The following HHIP variants were observed in gnomAD, a reference collection of about 807,000 sequenced individuals.
HHIP encodes hedgehog-interacting protein.
In HHIP, 12 loss-of-function variants were observed where a neutral mutation model predicts 74.0. The observed-to-expected ratio is 0.16, with a 90% CI of 0.10 to 0.26. HHIP has a LOEUF of 0.26. Among genes scored for constraint, HHIP ranks in the 10% least tolerant of loss-of-function variants. The probability of loss-of-function intolerance (pLI) is 1.00; values close to 1 mark genes in which losing one functional copy is unlikely to be tolerated. For synonymous variants in HHIP, 309 were observed against 311.6 expected, an observed-to-expected ratio of 0.99 and a Z score of 0.09; for missense variants, 788 against 845.0, an observed-to-expected ratio of 0.93 and a Z score of 0.84.
rs17019628 is a variant in HHIP at position 144,695,301 on chromosome 4, C to T, written c.832-11230C>T. On this transcript the variant is annotated intron_variant, in intron 4 of 12. Transcript: ENST00000296575. ...ATCTAGTCTTTGGGGATATGTATGT[C>T]TTTAATGGATATGCATGCTCTCATA... 5.8e-3 allele frequency among the ~76,000 whole-genome samples: 886 copies of T among 151,850 alleles called. 8 individuals are homozygous for T. Among genetic ancestry groups the T allele is most frequent in the African/African-American group, 0.021 (859 of 41,510 alleles).
intron 1 of HHIP, 67 bp downstream of exon 1, chr4:144,647,021 TG>T: frequency 7.0e-7 from 1 of 1,426,976 alleles, no homozygotes; most frequent in Non-Finnish European, 9.5e-7. Context: ...CCTGTGGCTC[TG>T]GCAAAGCCGG....
intron 4 of HHIP, among the ~76,000 whole-genome samples, chr4:144,670,764 G>GAAAAAAAAAAAAAAAAAAAAA (rs1167213848): frequency 5.5e-5 from 3 of 54,888 alleles, no homozygotes; most frequent in Non-Finnish European, 9.5e-5. Context: ...CTTAAGATTT[G>GAAAAAAAAAAAAAAAAAAAAA]AAAAAAAAAA....
In HHIP at chr4:144,730,826, T is replaced by C. The variant is rs547660408; in HGVS notation, c.1761-3915T>C. Among the ~76,000 whole-genome samples the C allele has an allele frequency of 5.9e-5, 9 of 152,252 alleles. No homozygotes were observed. The East Asian group carries it at 1.7e-3, about 29-fold the overall frequency. ...TTCAGTAAAAGGAAGAATGTCACCA[T>C]TACAAAGAGTTATTGGAGGGGAATG... is the stretch of plus-strand genomic sequence containing the variant. On this transcript the variant is annotated intron_variant, in intron 11 of 12. Transcript: ENST00000296575.
rs764583746 is a variant in HHIP, at chr4:144,659,727, A to C, written c.720A>C (p.Gln240His). 3 of 1,610,810 alleles carry C rather than the reference A, an allele frequency of 1.9e-6. No individual in the cohort carries two copies. The highest frequency in any genetic ancestry group is 1.7e-6 in the Non-Finnish European group (2 of 1,178,916). ...CCCTGCATAGTGGGGATGGCTCGCA[A>C]CGTCTCTTCATTCTGGAAAAAGAAG... is the stretch of plus-strand genomic sequence containing the variant. ...VGALHSGDGS[Q>H]RLFILEKEGY... Residue 240 changes from glutamine (Q) to histidine (H), a missense_variant, in exon 4 of 13, where the codon CAA becomes CAC. By Grantham distance (24) the Gln-to-His change is conservative. Transcript: ENST00000296575.
At chr4:144,716,257 G>T (rs759305673) in intron 10 of HHIP, among the ~76,000 whole-genome samples, 20 of 151,794 alleles carry the variant, frequency 1.3e-4, no homozygotes, top group East Asian at 3.9e-4. Flanking sequence ...TTCAGATTTG[G>T]TTTTTTTTAC....
At chr4:144,696,089 G>A (rs1578705415) in intron 4 of HHIP, among the ~76,000 whole-genome samples, 1 of 151,892 alleles carries the variant, frequency 6.6e-6, no homozygotes, top group East Asian at 1.9e-4. Context: ...TTCCCTCTCT[G>A]TGCACTATAA....
At chr4:144,683,668 G>C (rs188846426) in intron 4 of HHIP, among the ~76,000 whole-genome samples, 1 of 152,060 alleles carries the variant, frequency 6.6e-6, no homozygotes, top group Non-Finnish European at 1.5e-5. Flanking sequence ...ATTGAATCTC[G>C]CCTGTAGCCT....
intron 10 of HHIP, 83 bp from the exon 11 acceptor site, chr4:144,718,792 A>G: frequency 1.2e-6 from 1 of 805,544 alleles, no homozygotes; most frequent in South Asian, 1.4e-5. Flanking sequence ...AGATAGATTG[A>G]CATATAGAAT....
intron 2 of HHIP, among the ~76,000 whole-genome samples, chr4:144,658,121 A>G (rs1167743869): frequency 2.0e-5 from 3 of 152,142 alleles, no homozygotes; most frequent in Non-Finnish European, 4.4e-5. Flanking sequence ...GTAGGAAAAA[A>G]TGCTAAATAC....
chr4:144,652,526 C>A, intron 1 of HHIP, 79 bp from the exon 2 acceptor site: 2 of 884,962 alleles, frequency 2.3e-6, no homozygotes, highest in South Asian at 1.5e-5. Flanking sequence ...TCTACTTACA[C>A]AATTGCAAAA....
intron 4 of HHIP, 97 bp from the exon 5 acceptor site, chr4:144,706,434 C>G: frequency 9.8e-7 from 1 of 1,015,472 alleles, no homozygotes. Flanking sequence ...CAAAGATTAT[C>G]CAAAAGAAAG....
intron 11 of HHIP, among the ~76,000 whole-genome samples, chr4:144,728,776 A>G (rs1730867375): frequency 6.6e-6 from 1 of 152,166 alleles, no homozygotes; most frequent in South Asian, 2.1e-4. Context: ...TCAATATTAC[A>G]TGGTTACACA....
chr4:144,723,236 T>A (rs533646823), intron 11 of HHIP, among the ~76,000 whole-genome samples: 1 of 152,110 alleles, frequency 6.6e-6, no homozygotes, highest in African/African-American at 2.4e-5. Flanking sequence ...CCTTAATAAG[T>A]CTATAAATTA....
At position 144,734,838 on chromosome 4, in the gene HHIP, A is replaced by G. The variant is rs1052040922; in HGVS notation, c.1858A>G (p.Thr620Ala). The change falls in exon 12 of 13, where the codon ACG (threonine) becomes GCG (alanine). Residue 620 changes from threonine (T) to alanine (A), a missense_variant. Thr to Ala is a moderately conservative substitution (Grantham distance 58). This residue lies in a region of HHIP where 343 missense variants were observed against 347.9 expected (regional missense o/e 0.99). Transcript: ENST00000296575. ...RLCRNGYCTP[T>A]GKCCCSPGWE... ...CTGTCGAAACGGCTACTGCACCCCCACGGGAAAGTGCTGCTGCAGTCCAGG... is the reference window on the plus strand; with the variant it reads ...CTGTCGAAACGGCTACTGCACCCCCGCGGGAAAGTGCTGCTGCAGTCCAGG... 5 of 1,613,000 alleles carry G rather than the reference A, an allele frequency of 3.1e-6. No individual in the cohort carries two copies. The highest frequency in any genetic ancestry group is 1.1e-5 in the South Asian group (1 of 90,986).
chr4:144,646,252 G>A lies in HHIP; in HGVS notation c.-424G>A. 6.0e-6 allele frequency: 1 copy of A among 165,518 alleles called. No individual in the cohort carries two copies. Among genetic ancestry groups the A allele is most frequent in the Non-Finnish European group, 1.3e-5 (1 of 76,738 alleles). The allele number at this position is 165,518 out of a possible 1,614,324, so 10.3% of individuals were successfully genotyped here. On this transcript the variant is annotated 5_prime_UTR_variant, in exon 1 of 13. Transcript: ENST00000296575. Reference sequence around the variant, plus strand: ...CCCTGCCTCCGCCTGCCCCGCCGCCGCCGTCGCCGTTTCTGTTCCTGCTAC... The same window carrying A: ...CCCTGCCTCCGCCTGCCCCGCCGCCACCGTCGCCGTTTCTGTTCCTGCTAC...
chr4:144,669,617 G>C (rs1728975567), intron 4 of HHIP, among the ~76,000 whole-genome samples: 1 of 152,002 alleles, frequency 6.6e-6, no homozygotes, highest in Non-Finnish European at 1.5e-5. Flanking sequence ...CCTCTATGTA[G>C]TAGAGTAACA....
chr4:144,730,384 G>T (rs1168942694), intron 11 of HHIP, among the ~76,000 whole-genome samples: 1 of 152,096 alleles, frequency 6.6e-6, no homozygotes, highest in Admixed American at 6.6e-5. Context: ...AAGTTCAAAG[G>T]CTATGGGGAT....
chr4:144,693,689 T>C (rs1260476674), intron 4 of HHIP, among the ~76,000 whole-genome samples: 1 of 151,970 alleles, frequency 6.6e-6, no homozygotes, highest in Non-Finnish European at 1.5e-5. Flanking sequence ...CAGATTAAAC[T>C]TTTTTAGATA....
intron 2 of HHIP, chr4:144,655,039 T>C (rs919330030): frequency 2.0e-5 from 3 of 152,170 alleles, no homozygotes; most frequent in Non-Finnish European, 4.4e-5. Flanking sequence ...GAAATGTACA[T>C]ATAAATGACT....
Sources: allele counts gnomAD v4.1 joint callset (sites outside exome capture counted in the v4.1 genomes callset), GRCh38; gene constraint gnomAD v4.1.1; regional missense constraint gnomAD v4.1.1; transcripts MANE v1.5; gene names NCBI Gene and HGNC (gene_info 2026-07-23, HGNC 2026-07-21).